Variants in FLI1 observed in about 807,000 individuals in gnomAD.
FLI1 encodes the protein Fli-1 proto-oncogene, ETS transcription factor.
In FLI1, 13 loss-of-function variants were observed where a neutral mutation model predicts 53.1. That is an observed-to-expected ratio of 0.24 (90% confidence interval 0.16 to 0.39). The LOEUF is 0.39. Among genes scored for constraint, FLI1 ranks in the 10% least tolerant of loss-of-function variants. The pLI is 1.00. For synonymous variants in FLI1, 244 were observed against 236.7 expected (o/e 1.03, Z -0.28); for missense variants, 424 against 600.5 (o/e 0.71, Z 3.07).
At chr11:128,689,670 GAA>G (rs1937659914), upstream of FLI1, among the ~76,000 whole-genome samples, 2 of 152,182 alleles carry the variant, frequency 1.3e-5, no homozygotes, top group African/African-American at 4.8e-5. Context: ...TGGAGAAGCT[GAA>G]CCCACCTTGG....
At chr11:128,779,585 G>A (rs1037558094) in intron 4 of FLI1, among the ~76,000 whole-genome samples, 1 of 152,324 alleles carries the variant, frequency 6.6e-6, no homozygotes, top group East Asian at 1.9e-4. Context: ...GAACACTTAT[G>A]AGCCAAGGTC....
chr11:128,757,893 C>A (rs1392145572), intron 1 of FLI1, among the ~76,000 whole-genome samples: 1 of 152,202 alleles, frequency 6.6e-6, no homozygotes, highest in Non-Finnish European at 1.5e-5. Context: ...ATTCCTCCAT[C>A]CCCACTCCAC....
intron 5 of FLI1, among the ~76,000 whole-genome samples, chr11:128,798,501 C>T (rs555932259): frequency 2.6e-5 from 4 of 152,280 alleles, no homozygotes; most frequent in Non-Finnish European, 5.9e-5. Flanking sequence ...GCCTTTTCCT[C>T]GTAGGTCTTT....
chr11:128,689,496 C>A (rs75811107), upstream of FLI1, among the ~76,000 whole-genome samples: 819 of 152,320 alleles, frequency 5.4e-3, 5 homozygotes, highest in Non-Finnish European at 9.2e-3. Context: ...CGTCTTCCGC[C>A]TGTCCCCCGG....
chr11:128,705,218 C>T (rs534441903), intron 1 of FLI1, among the ~76,000 whole-genome samples: 9 of 152,326 alleles, frequency 5.9e-5, no homozygotes, highest in Non-Finnish European at 1.0e-4. Flanking sequence ...CAGTCTGCAC[C>T]GGTCAGATTC....
chr11:128,748,727 C>T (rs1356123640), intron 1 of FLI1, among the ~76,000 whole-genome samples: 2 of 152,146 alleles, frequency 1.3e-5, no homozygotes, highest in South Asian at 2.1e-4. Context: ...AAATTGGAGA[C>T]GGCAAAGTGG....
intron 2 of FLI1, among the ~76,000 whole-genome samples, chr11:128,765,978 A>C (rs1292242422): frequency 1.3e-5 from 2 of 152,028 alleles, no homozygotes; most frequent in African/African-American, 2.4e-5. Flanking sequence ...ATGTGTGTTG[A>C]AGTGTGTCCA....
At chr11:128,758,406 G>A (rs1940981213) in intron 2 of FLI1, 80 bp downstream of exon 2, 2 of 1,205,614 alleles carry the variant, frequency 1.7e-6, no homozygotes, top group Non-Finnish European at 2.4e-6. Context: ...TGGCACTTAA[G>A]GTTTTTGCAG....
intron 1 of FLI1, among the ~76,000 whole-genome samples, chr11:128,713,318 C>T (rs1452753052): frequency 6.6e-6 from 1 of 152,234 alleles, no homozygotes; most frequent in African/African-American, 2.4e-5. Context: ...TTCTGCAGCT[C>T]ATGCATTTTC....
intron 1 of FLI1, among the ~76,000 whole-genome samples, chr11:128,695,404 G>A (rs575544456): frequency 6.6e-6 from 1 of 152,194 alleles, no homozygotes; most frequent in East Asian, 1.9e-4. Context: ...AGTCTGTCTG[G>A]AAAAACTATT....
At chr11:128,698,733 T>TGTGTGTGAGA (rs766077047) in intron 1 of FLI1, among the ~76,000 whole-genome samples, 311 of 133,804 alleles carry the variant, frequency 2.3e-3, no homozygotes, top group Admixed American at 6.1e-3. Context: ...TGTGTGTGTG[T>TGTGTGTGAGA]GAGAGAGAGA....
intron 4 of FLI1, among the ~76,000 whole-genome samples, chr11:128,776,678 G>A (rs1941737501): frequency 6.6e-6 from 1 of 152,154 alleles, no homozygotes; most frequent in South Asian, 2.1e-4. Context: ...CCCCCTTGTG[G>A]ACAACTATCT....
At chr11:128,686,013 C>A (rs546294740), upstream of FLI1, 41 of 232,112 alleles carry the variant, frequency 1.8e-4, no homozygotes, top group African/African-American at 9.0e-4. Flanking sequence ...GCAGTCTCTT[C>A]CCAAAAACCT....
intron 1 of FLI1, 30 bp downstream of exon 1, chr11:128,694,306 C>A (rs1424236250): frequency 4.0e-5 from 53 of 1,333,582 alleles, no homozygotes; most frequent in Non-Finnish European, 4.4e-5. Flanking sequence ...ACGCGGGCGG[C>A]GGGGACCGGC....
intron 1 of FLI1, among the ~76,000 whole-genome samples, chr11:128,757,078 TTC>T (rs1244644653): frequency 1.4e-5 from 2 of 146,370 alleles, no homozygotes; most frequent in African/African-American, 2.7e-5. Context: ...CTTTCTTTCT[TTC>T]TTTCTTTCTT....
At chr11:128,801,468 C>T (rs957586827) in intron 5 of FLI1, among the ~76,000 whole-genome samples, 4 of 152,202 alleles carry the variant, frequency 2.6e-5, no homozygotes, top group Admixed American at 6.5e-5. Context: ...GTTAAAAACA[C>T]ATAAAATGCA....
upstream of FLI1, among the ~76,000 whole-genome samples, chr11:128,690,733 T>C (rs1332154265): frequency 2.0e-5 from 3 of 152,188 alleles, no homozygotes; most frequent in Non-Finnish European, 4.4e-5. Context: ...CTTGGAAACA[T>C]GTGGTGGGCT....
intron 1 of FLI1, among the ~76,000 whole-genome samples, chr11:128,699,110 G>A (rs939522810): frequency 2.6e-5 from 4 of 152,156 alleles, no homozygotes; most frequent in African/African-American, 9.7e-5. Flanking sequence ...AAATCTATTA[G>A]AAGGCATCTT....
At chr11:128,749,941 C>A (rs1204147946) in intron 1 of FLI1, among the ~76,000 whole-genome samples, 1 of 152,222 alleles carries the variant, frequency 6.6e-6, no homozygotes, top group African/African-American at 2.4e-5. Context: ...GTGACCCCAA[C>A]CCAGGCTGAT....
Sources: gnomAD v4.1 joint callset for allele counts (sites outside exome capture counted in the v4.1 genomes callset) on GRCh38, gnomAD v4.1.1 for gene constraint, MANE v1.5 for transcripts, NCBI Gene and HGNC (gene_info 2026-07-23, HGNC 2026-07-21) for gene names.